PCNX3: variants seen among roughly 807,000 people sequenced by gnomAD.
PCNX3 encodes pecanex-like protein 3.
Under a neutral mutation model 207.2 loss-of-function variants are expected in PCNX3, and 58 were observed. The observed-to-expected ratio is 0.28, with a 90% CI of 0.23 to 0.35. PCNX3 has a LOEUF of 0.35. PCNX3 is among the 10% of genes least tolerant of loss of function. The pLI, the probability that PCNX3 is intolerant of heterozygous loss-of-function variation, is 1.00. For synonymous variants in PCNX3, 1,337 were observed against 1,183.5 expected, an observed-to-expected ratio of 1.13 and a Z score of -2.66; for missense variants, 2,410 against 2,774.4, an observed-to-expected ratio of 0.87 and a Z score of 2.95.
Position 65,627,467 on chromosome 11 carries a change from C to T in PCNX3, c.3587C>T (p.Pro1196Leu). 1.2e-6 allele frequency: 2 copies of T among 1,613,618 alleles called. No individual in the cohort carries two copies. The highest frequency in any genetic ancestry group is 1.7e-6 in the Non-Finnish European group (2 of 1,179,862). Residue 1196 changes from proline to leucine, a missense_variant, in exon 22 of 35, where the codon CCC becomes CTC. Physicochemically the swap from Pro to Leu is moderately conservative, Grantham distance 98. This residue lies in a region of PCNX3 where 333 missense variants were observed against 386.8 expected (regional missense o/e 0.86). Transcript: ENST00000355703. ...LKLLRSAFCC[P>L]PQQYLTLAFT... is the part of the protein sequence containing the mutation. ...CTGCTGCGCTCAGCCTTCTGCTGCC[C>T]CCCACAGCAGTACCTGACGTTGGCC...
intron 21 of PCNX3, 27 bp downstream of exon 21, chr11:65,627,075 C>G: frequency 2.7e-6 from 4 of 1,468,800 alleles, no homozygotes; most frequent in Non-Finnish European, 3.6e-6. Context: ...CCTCAACGAT[C>G]CCATCATCCG....
intron 32 of PCNX3, 59 bp from the exon 33 acceptor site, chr11:65,636,115 T>C (rs1005596536): frequency 2.6e-6 from 4 of 1,555,954 alleles, no homozygotes; most frequent in African/African-American, 2.7e-5. Flanking sequence ...CTCATGCTTG[T>C]GAGGCCTCTG....
Position 65,628,669 on chromosome 11 carries a change from T to A in PCNX3, c.3777T>A (p.Ala1259=). 1 of 1,613,292 alleles carries A rather than the reference T, an allele frequency of 6.2e-7. No homozygotes were observed. Among genetic ancestry groups the A allele is most frequent in the Non-Finnish European group, 8.5e-7 (1 of 1,179,848 alleles). Residue 1259 remains alanine (A), a synonymous_variant, in exon 23 of 35, where the codon GCT becomes GCA. Transcript: ENST00000355703. ...CCTGGCAGATCACCTGGGGCTCGGC[T>A]TTCCACGCTTTTGCCCAGCCGTTTG... is the stretch of plus-strand genomic sequence containing the variant. ...IAPWQITWGS[A]FHAFAQPFAV...
chr11:65,617,593 C>G lies in PCNX3; in HGVS notation c.482-18C>G. 1 of 1,613,298 alleles carries G rather than the reference C, an allele frequency of 6.2e-7. No homozygotes were observed. Among genetic ancestry groups the G allele is most frequent in the Non-Finnish European group, 8.5e-7 (1 of 1,179,620 alleles). On this transcript the variant is annotated intron_variant, in intron 4 of 34. Coordinates refer to ENST00000355703, the MANE Select transcript of PCNX3 (RefSeq NM_032223.4). ...GTGCCAGGGGGTCCTGCTGACACCT[C>G]TGGGGCCATGGTTGCAGACATCAAG...
chr11:65,632,876 C>T (rs1480368552), intron 27 of PCNX3, among the ~76,000 whole-genome samples: 1 of 151,706 alleles, frequency 6.6e-6, no homozygotes, highest in African/African-American at 2.4e-5. Flanking sequence ...TCCCAGGTAG[C>T]TGGGACTACA....
At position 65,624,452 on chromosome 11, in the gene PCNX3, C is replaced by T. The variant is rs764272759; in HGVS notation, c.2717-19C>T. On this transcript the variant is annotated intron_variant, in intron 14 of 34. Coordinates refer to ENST00000355703, the MANE Select transcript of PCNX3 (RefSeq NM_032223.4). Reference sequence around the variant, plus strand: ...AAAGCCAGCAGGCTGACCAGGCCTTCGTGTCCCCTCCCTGCCAGTGTTCAC... The same window carrying T: ...AAAGCCAGCAGGCTGACCAGGCCTTTGTGTCCCCTCCCTGCCAGTGTTCAC... The T allele has an allele frequency of 3.2e-6, 5 of 1,572,694 alleles. No homozygotes were observed. The highest frequency in any genetic ancestry group is 1.4e-5 in the African/African-American group (1 of 74,012).
In PCNX3 at chr11:65,637,123, G is replaced by A; in HGVS notation, c.*145G>A. 2.3e-6 allele frequency: 2 copies of A among 869,640 alleles called. No homozygotes were observed. The highest frequency in any genetic ancestry group is 3.5e-4 in the Middle Eastern group (1 of 2,830). The allele number at this position is 869,640 out of a possible 1,614,324, so 53.9% of individuals were successfully genotyped here. A position where few individuals can be genotyped will look rare whatever the true frequency, so the allele number is the denominator to read the frequency against. ...CTGCCTTGGCCAGAGTACCAAAACT[G>A]AGTGACCCAGACCTCTGACCTTGAC... On this transcript the variant is annotated 3_prime_UTR_variant, in exon 35 of 35. Transcript: ENST00000355703.
chr11:65,621,065 G>A, intron 10 of PCNX3, 99 bp downstream of exon 10: 6 of 1,436,756 alleles, frequency 4.2e-6, no homozygotes, highest in African/African-American at 1.4e-5. Context: ...GGTGCCCCAG[G>A]AGGGACGGGC....
chr11:65,629,405 C>T lies in PCNX3; in HGVS notation c.3990C>T (p.Asp1330=), dbSNP rs375285938. The T allele has an allele frequency of 6.2e-7, 1 of 1,612,328 alleles. No individual in the cohort carries two copies. The highest frequency in any genetic ancestry group is 1.1e-5 in the South Asian group (1 of 90,662). ...ACACCCGCCTGGTCACACAGCTGGA[C>T]AGGAACCCTGGTGTGTACCCAGCCA... ...HSNTRLVTQL[D]RNPGADDNNL... Residue 1330 remains aspartate, a synonymous_variant, in exon 25 of 35, where the codon GAC becomes GAT. Coordinates refer to ENST00000355703, the MANE Select transcript of PCNX3 (RefSeq NM_032223.4).
At chr11:65,626,149 C>T (rs1855376217) in intron 20 of PCNX3, 95 bp downstream of exon 20, 13 of 1,492,328 alleles carry the variant, frequency 8.7e-6, no homozygotes, top group Non-Finnish European at 1.1e-5. Flanking sequence ...GGAGTGCCAG[C>T]AGGGGGCACT....
intron 27 of PCNX3, among the ~76,000 whole-genome samples, chr11:65,631,077 G>A (rs1249952761): frequency 6.6e-6 from 1 of 152,250 alleles, no homozygotes; most frequent in African/African-American, 2.4e-5. Flanking sequence ...CACAGATGTG[G>A]AAGTTGGCTT....
At chr11:65,616,613 T>C (rs1796865551) in intron 1 of PCNX3, 149 bp downstream of exon 1, 5 of 1,116,408 alleles carry the variant, frequency 4.5e-6, no homozygotes, top group Non-Finnish European at 5.0e-6. Flanking sequence ...AAAGTCTTCC[T>C]TTCTTGGATC....
In PCNX3 at chr11:65,627,013, C is replaced by A; in HGVS notation, c.3489C>A (p.His1163Gln). 1 of 1,538,560 alleles carries A rather than the reference C, an allele frequency of 6.5e-7. No homozygotes were observed. The highest frequency in any genetic ancestry group is 8.8e-7 in the Non-Finnish European group (1 of 1,140,582). Residue 1163 changes from histidine (H) to glutamine (Q), a missense_variant, in exon 21 of 35, where the codon CAC (histidine) becomes CAA (glutamine). Physicochemically the swap from His to Gln is conservative, Grantham distance 24. This residue lies in a region of PCNX3 where 333 missense variants were observed against 386.8 expected (regional missense o/e 0.86). Transcript: ENST00000355703. ...VVLNALTVDA[H>Q]TVVSHPDKYC... ...TCAACGCCCTCACGGTGGACGCCCA[C>A]ACAGTCGTCAGCCACCCGGACAAGT...
At chr11:65,622,835 C>G (rs991491662) in intron 11 of PCNX3, among the ~76,000 whole-genome samples, 1 of 152,028 alleles carries the variant, frequency 6.6e-6, no homozygotes, top group Non-Finnish European at 1.5e-5. Flanking sequence ...ATCTCCTGAC[C>G]TTGTGATCTG....
intron 12 of PCNX3, 78 bp from the exon 13 acceptor site, chr11:65,623,851 G>T: frequency 6.3e-7 from 1 of 1,597,154 alleles, no homozygotes; most frequent in African/African-American, 1.3e-5. Flanking sequence ...GCCTAGTGGT[G>T]GAGCTGAACA....
chr11:65,633,731 C>T (rs1424225170), intron 27 of PCNX3, among the ~76,000 whole-genome samples: 3 of 152,140 alleles, frequency 2.0e-5, no homozygotes, highest in Non-Finnish European at 4.4e-5. Context: ...GGGGCCAGCT[C>T]CACCTTGATG....
Position 65,635,640 on chromosome 11 carries a change from C to T in PCNX3, c.5296C>T (p.Arg1766Cys). 6.2e-7 allele frequency: 1 copy of T among 1,612,752 alleles called. No homozygotes were observed. Among genetic ancestry groups the T allele is most frequent in the Non-Finnish European group, 8.5e-7 (1 of 1,179,688 alleles). Residue 1766 changes from arginine (R) to cysteine (C), a missense_variant, in exon 32 of 35, where the codon CGC becomes TGC. Around this residue, in one of 8 missense-constraint regions of PCNX3, gnomAD observed 21 missense variants for 79.2 expected, o/e 0.27. Coordinates refer to ENST00000355703, the MANE Select transcript of PCNX3 (RefSeq NM_032223.4). The surrounding 1 kb of genome is among the most constrained non-coding windows in gnomAD (Gnocchi z 9.9). ...CATCCAGAACGCCAAGCAGGCGCTT[C>T]GCAACATGATCAACTCCTCCTGTGA... ...GSIQNAKQAL[R>C]NMINSSCDQP...
At position 65,617,317 on chromosome 11, in the gene PCNX3, C is replaced by G; in HGVS notation, c.409C>G (p.Gln137Glu). The change falls in exon 3 of 35, where the codon CAG (glutamine) becomes GAG (glutamate). Residue 137 changes from glutamine (Q) to glutamate (E), a missense_variant. By Grantham distance (29) the Gln-to-Glu change is conservative. Around this residue, in one of 8 missense-constraint regions of PCNX3, gnomAD observed 1,104 missense variants for 970.3 expected, o/e 1.14. Transcript: ENST00000355703. Reference sequence around the variant, plus strand: ...CACACCCCCGGTGCGCTGCAGCTCCCAGCACTCTGTGTTTGGCTTCAACCA... The same window carrying G: ...CACACCCCCGGTGCGCTGCAGCTCCGAGCACTCTGTGTTTGGCTTCAACCA... Reference protein sequence around the residue: ...SSTPPVRCSSQHSVFGFNQVS... With the variant: ...SSTPPVRCSSEHSVFGFNQVS... 6.2e-7 allele frequency: 1 copy of G among 1,612,742 alleles called. No homozygotes were observed. The highest frequency in any genetic ancestry group is 8.5e-7 in the Non-Finnish European group (1 of 1,179,450).
Position 65,636,322 on chromosome 11 carries a change from C to T in PCNX3, c.5593+15C>T. The T allele has an allele frequency of 1.9e-6, 3 of 1,610,720 alleles. No homozygotes were observed. The highest frequency in any genetic ancestry group is 1.7e-6 in the Non-Finnish European group (2 of 1,178,236). On this transcript the variant is annotated intron_variant, in intron 33 of 34. Coordinates refer to ENST00000355703, the MANE Select transcript of PCNX3 (RefSeq NM_032223.4). ...GAACACGGCAGGTGAGCAGGCGAGG[C>T]TGGGCTGAACCCGTGGGTGAGGAGT...
Sources: allele counts gnomAD v4.1 joint callset (sites outside exome capture counted in the v4.1 genomes callset), GRCh38; gene constraint gnomAD v4.1.1; regional missense constraint gnomAD v4.1.1; non-coding constraint Gnocchi (gnomAD v3.1); transcripts MANE v1.5; gene names NCBI Gene and HGNC (gene_info 2026-07-23, HGNC 2026-07-21).